The following C4orf36 variants were observed in gnomAD, a reference collection of about 807,000 sequenced individuals.
The protein encoded by C4orf36 is uncharacterized protein C4orf36.
In C4orf36, 11 loss-of-function variants were observed where a neutral mutation model predicts 12.2. That is an observed-to-expected ratio of 0.90 (90% CI 0.57 to 1.49). C4orf36 has a LOEUF of 1.49. Among genes scored for constraint, C4orf36 ranks in the 40% most tolerant of loss-of-function variants. The probability of loss-of-function intolerance (pLI) is 0.00; values close to 1 mark genes in which losing one functional copy is unlikely to be tolerated. For synonymous variants in C4orf36, 54 were observed against 51.3 expected, an observed-to-expected ratio of 1.05 and a Z score of -0.22; for missense variants, 137 against 133.9, an observed-to-expected ratio of 1.02 and a Z score of -0.11.
chr4:86,892,547 G>C, upstream of C4orf36: 2 of 808,766 alleles, frequency 2.5e-6, no homozygotes, highest in African/African-American at 1.9e-5. Flanking sequence ...TAACCGGGCC[G>C]GGGCAGGCCG....
chr4:86,936,004 T>C, the C4orf36 span: 1 of 152,072 alleles, frequency 6.6e-6, no homozygotes, highest in Middle Eastern at 3.2e-3. Flanking sequence ...GTAATGGTAG[T>C]TGCATTAATG....
chr4:86,888,137 C>A lies in C4orf36; in HGVS notation c.204G>T (p.Leu68=). The change falls in exon 3 of 5, where the codon CTG becomes CTT. Residue 68 remains leucine, a synonymous_variant. Coordinates refer to ENST00000295898, the MANE Select transcript of C4orf36 (RefSeq NM_144645.4). ...GGAACTTACATTCTGCAGAAGGGAG[C>A]AGTCCATCTTTAATGGTGGTACATT... ...LTKCTTIKDG[L]LPSAESIKLE... is the part of the protein sequence containing the mutation. The A allele has an allele frequency of 6.2e-7, 1 of 1,613,314 alleles. No individual in the cohort carries two copies. Among genetic ancestry groups the A allele is most frequent in the Admixed American group, 1.7e-5 (1 of 59,862 alleles).
At chr4:86,898,319 G>A in the C4orf36 span, among the ~76,000 whole-genome samples, 6 of 152,208 alleles carry the variant, frequency 3.9e-5, no homozygotes, top group African/African-American at 1.4e-4. Context: ...TTGAGCCCAG[G>A]AGGCAGAGGT....
intron 4 of C4orf36, among the ~76,000 whole-genome samples, chr4:86,883,576 T>G (rs1166978833): frequency 1.3e-5 from 2 of 152,130 alleles, no homozygotes. Flanking sequence ...TTATCCCCAT[T>G]TTACAAATGA....
chr4:86,915,172 C>T, the C4orf36 span, among the ~76,000 whole-genome samples: 1 of 152,224 alleles, frequency 6.6e-6, no homozygotes, highest in Admixed American at 6.5e-5. Context: ...GCCATTTGTG[C>T]TCTTGTGTTC....
chr4:86,929,044 T>A, the C4orf36 span, among the ~76,000 whole-genome samples: 1 of 152,248 alleles, frequency 6.6e-6, no homozygotes, highest in Non-Finnish European at 1.5e-5. Context: ...CTATGCTCTA[T>A]CATGTGTGCC....
At chr4:86,881,367 C>T (rs994347797) in intron 4 of C4orf36, among the ~76,000 whole-genome samples, 2 of 152,116 alleles carry the variant, frequency 1.3e-5, no homozygotes, top group African/African-American at 4.8e-5. Flanking sequence ...TTGTCTTGAA[C>T]TGTTTTAGTC....
At chr4:86,923,531 G>A in the C4orf36 span, among the ~76,000 whole-genome samples, 3 of 152,164 alleles carry the variant, frequency 2.0e-5, no homozygotes, top group Non-Finnish European at 4.4e-5. Context: ...GCCAAGGCGG[G>A]TGGATCACCT....
At chr4:86,891,108 T>G (rs1020581848) in intron 2 of C4orf36, among the ~76,000 whole-genome samples, 1 of 152,136 alleles carries the variant, frequency 6.6e-6, no homozygotes, top group African/African-American at 2.4e-5. Context: ...AAACAAAGTT[T>G]TTTTAAAGTT....
At chr4:86,900,811 A>G in the C4orf36 span, among the ~76,000 whole-genome samples, 1 of 152,104 alleles carries the variant, frequency 6.6e-6, no homozygotes, top group Admixed American at 6.6e-5. Flanking sequence ...CCTGCTACCA[A>G]ACTGCCTGGG....
At chr4:86,879,848 TTTC>T (rs1747005568) in intron 4 of C4orf36, among the ~76,000 whole-genome samples, 1 of 52,598 alleles carries the variant, frequency 1.9e-5, no homozygotes, top group African/African-American at 5.8e-5. Flanking sequence ...GTTTGTTTTG[TTTC>T]TTTTTTTTTT....
chr4:86,927,102 C>G, the C4orf36 span, among the ~76,000 whole-genome samples: 5 of 152,198 alleles, frequency 3.3e-5, no homozygotes, highest in Non-Finnish European at 5.9e-5. Context: ...TATGCCCACC[C>G]CCATTCTAGA....
chr4:86,905,748 C>T, the C4orf36 span, among the ~76,000 whole-genome samples: 1 of 147,710 alleles, frequency 6.8e-6, no homozygotes, highest in Admixed American at 6.8e-5. Flanking sequence ...GACATAGTCT[C>T]GCTCTGTTGC....
the C4orf36 span, among the ~76,000 whole-genome samples, chr4:86,916,363 T>C: frequency 1.0e-5 from 1 of 98,738 alleles, no homozygotes; most frequent in Non-Finnish European, 2.1e-5. Flanking sequence ...ACTATGTGGA[T>C]GCAAAAAAAA....
the C4orf36 span, among the ~76,000 whole-genome samples, chr4:86,930,877 C>G: frequency 6.6e-6 from 1 of 152,128 alleles, no homozygotes; most frequent in Admixed American, 6.5e-5. Flanking sequence ...TAATTGTGCA[C>G]CTGGTTCTTC....
chr4:86,917,807 C>G, the C4orf36 span, among the ~76,000 whole-genome samples: 1 of 152,212 alleles, frequency 6.6e-6, no homozygotes, highest in Non-Finnish European at 1.5e-5. Context: ...GTGAGATAAC[C>G]TACTCCTCCT....
At chr4:86,910,120 C>T in the C4orf36 span, among the ~76,000 whole-genome samples, 1 of 152,136 alleles carries the variant, frequency 6.6e-6, no homozygotes, top group African/African-American at 2.4e-5. Flanking sequence ...CCCCTTCTGC[C>T]TGCAAGCTGA....
the C4orf36 span, among the ~76,000 whole-genome samples, chr4:86,902,960 T>G: frequency 2.0e-5 from 3 of 152,210 alleles, no homozygotes; most frequent in Admixed American, 2.0e-4. Context: ...AGACAGTGGT[T>G]ACCTTTGAAG....
chr4:86,933,109 T>C, the C4orf36 span: 2 of 152,170 alleles, frequency 1.3e-5, no homozygotes, highest in Non-Finnish European at 2.9e-5. Context: ...TTATATAAGA[T>C]GACCAGCAGA....
Sources: allele counts gnomAD v4.1 joint callset (sites outside exome capture counted in the v4.1 genomes callset), GRCh38; gene constraint gnomAD v4.1.1; transcripts MANE v1.5; gene names NCBI Gene and HGNC (gene_info 2026-07-23, HGNC 2026-07-21).